The following PDLIM7 variants were observed in gnomAD, a reference collection of about 807,000 sequenced individuals.
The protein encoded by PDLIM7 is PDZ and LIM domain protein 7.
A neutral mutation model predicts 53.9 loss-of-function variants in PDLIM7; 37 were observed. That is an observed-to-expected ratio of 0.69 (90% confidence interval 0.53 to 0.90). The LOEUF (loss-of-function observed/expected upper bound fraction) is 0.90. PDLIM7 is among the 40% of genes least tolerant of loss of function. The pLI is 0.00. For synonymous variants in PDLIM7, 300 were observed against 261.3 expected, an observed-to-expected ratio of 1.15 and a Z score of -1.43; for missense variants, 617 against 638.5, an observed-to-expected ratio of 0.97 and a Z score of 0.36.
chr5:177,490,120 C>T (rs1253437791), intron 7 of PDLIM7: 6 of 1,508,856 alleles, frequency 4.0e-6, no homozygotes, highest in South Asian at 2.4e-5. Flanking sequence ...AGGGCAGGGC[C>T]CCTTTGCCAG....
At position 177,490,888 on chromosome 5, in the gene PDLIM7, T is replaced by G; in HGVS notation, c.554A>C (p.Glu185Ala). 6.2e-7 allele frequency: 1 copy of G among 1,613,886 alleles called. No homozygotes were observed. ...CCTGTACCTTGATTTCTTCAGGTGC[T>G]CCTCATCCGGGTCTTGCACTGAGAG... Reference protein sequence around the residue: ...GTEFMQDPDEEHLKKSSQVPR... With the variant: ...GTEFMQDPDEAHLKKSSQVPR... Residue 185 changes from glutamate to alanine, a missense_variant, in exon 7 of 13, where the codon GAG becomes GCG. Coordinates refer to ENST00000355841, the MANE Select transcript of PDLIM7 (RefSeq NM_005451.5).
At chr5:177,490,732 AG>A in intron 7 of PDLIM7, 137 bp downstream of exon 7, 6 of 762,940 alleles carry the variant, frequency 7.9e-6, no homozygotes, top group East Asian at 2.7e-5. Flanking sequence ...GAAGGAAGGA[AG>A]GAAGGAAGGA....
chr5:177,486,770 C>G (rs1287770694), intron 10 of PDLIM7, among the ~76,000 whole-genome samples: 1 of 151,764 alleles, frequency 6.6e-6, no homozygotes, highest in Non-Finnish European at 1.5e-5. Flanking sequence ...TCCCGAGTAG[C>G]TGGGACTACT....
chr5:177,491,193 G>T, intron 5 of PDLIM7, 47 bp from the exon 6 acceptor site: 1 of 1,555,378 alleles, frequency 6.4e-7, no homozygotes, highest in Non-Finnish European at 8.7e-7. Context: ...GGTGGGCGGT[G>T]GGGGCAGCCC....
chr5:177,496,028 G>A (rs181484600), intron 2 of PDLIM7, among the ~76,000 whole-genome samples: 38 of 152,188 alleles, frequency 2.5e-4, no homozygotes, highest in African/African-American at 8.9e-4. Flanking sequence ...TTCCCTGGGC[G>A]GCAGTGAGGC....
In PDLIM7 at chr5:177,488,260, C is replaced by A; in HGVS notation, c.870-12G>T. The A allele has an allele frequency of 6.3e-7, 1 of 1,585,922 alleles. No individual in the cohort carries two copies. The highest frequency in any genetic ancestry group is 8.6e-7 in the Non-Finnish European group (1 of 1,165,532). On this transcript the variant is annotated splice_polypyrimidine_tract_variant and intron_variant, in intron 9 of 12. Coordinates refer to ENST00000355841, the MANE Select transcript of PDLIM7 (RefSeq NM_005451.5). ...CCAGGTAGCGGCCCCTGCAGGGAGG[C>A]GAGAGCGGTCAGAGGGAGCACACGC...
At chr5:177,489,744 C>A (rs1758650035) in intron 8 of PDLIM7, 27 bp downstream of exon 8, 1 of 1,511,154 alleles carries the variant, frequency 6.6e-7, no homozygotes, top group South Asian at 1.2e-5. Flanking sequence ...CCCACCCTTG[C>A]CCAGGCCCGA....
Position 177,496,482 on chromosome 5 carries a change from GC to G in PDLIM7, c.30del (p.Pro11GlnfsTer41). 6.2e-7 allele frequency: 1 copy of G among 1,603,312 alleles called. No homozygotes were observed. The highest frequency in any genetic ancestry group is 8.5e-7 in the Non-Finnish European group (1 of 1,174,700). On this transcript the variant is annotated frameshift_variant, in exon 2 of 13. Transcript: ENST00000355841. LOFTEE classifies it high-confidence loss of function. ...TGCAGCCGGAAGCCCCAAGGTGCTGGCCCCTCCAGCACTACTTTGAAGGAAT... is the reference window on the plus strand; with the variant it reads ...TGCAGCCGGAAGCCCCAAGGTGCTGGCCCTCCAGCACTACTTTGAAGGAAT... MDSFKVVLE[G>X]PAPWGFRLQG... is the part of the protein sequence containing the mutation.
At chr5:177,490,356 G>T in intron 7 of PDLIM7, 1 of 1,457,790 alleles carries the variant, frequency 6.9e-7, no homozygotes, top group African/African-American at 1.4e-5. Context: ...GGGCGGCCAG[G>T]GCCAGGCCAG....
At chr5:177,490,712 GGGAAGGAAGGAAGGAA>G (rs573434723) in intron 7 of PDLIM7, 142 bp downstream of exon 7, 18,030 of 630,244 alleles carry the variant, frequency 0.029, 361 homozygotes, top group South Asian at 0.053. Flanking sequence ...GAAGGAGGAA[GGGAAGGAAGGAAGGAA>G]GGAAGGAAGG....
chr5:177,490,966 G>T, intron 6 of PDLIM7, 44 bp downstream of exon 6: 1 of 1,614,042 alleles, frequency 6.2e-7, no homozygotes, highest in Non-Finnish European at 8.5e-7. Flanking sequence ...TCACGCCTGG[G>T]CTGGGGGCGA....
At chr5:177,492,199 C>T (rs901924697) in intron 4 of PDLIM7, 8 of 660,454 alleles carry the variant, frequency 1.2e-5, no homozygotes, top group African/African-American at 7.3e-5. Context: ...GACAGACAGG[C>T]GGACAGACAG....
In PDLIM7 at chr5:177,489,227, G is replaced by A. The variant is rs574164751; in HGVS notation, c.869+166C>T. On this transcript the variant is annotated intron_variant, in intron 9 of 12. Coordinates refer to ENST00000355841, the MANE Select transcript of PDLIM7 (RefSeq NM_005451.5). ...TTGTGGGTGGGCTGGGGTAGGTAGC[G>A]TGGGATTAAGAATGGGAGGACCCAG... 4.6e-5 allele frequency among the ~76,000 whole-genome samples: 7 copies of A among 152,352 alleles called. No homozygotes were observed. The East Asian group carries it at 9.6e-4, about 21-fold the overall frequency.
At chr5:177,492,160 G>A (rs1758830464) in intron 4 of PDLIM7, 1 of 612,196 alleles carries the variant, frequency 1.6e-6, no homozygotes, top group Admixed American at 3.0e-5. Context: ...GGGCGAGCAC[G>A]CAGCGCCGGC....
At chr5:177,490,046 AG>A in intron 7 of PDLIM7, 1 of 1,532,516 alleles carries the variant, frequency 6.5e-7, no homozygotes, top group East Asian at 2.5e-5. Flanking sequence ...GAGACGAGGC[AG>A]GGCTCCCGCT....
intron 5 of PDLIM7, 79 bp from the exon 6 acceptor site, chr5:177,491,225 G>A (rs1758763960): frequency 6.6e-7 from 1 of 1,509,342 alleles, no homozygotes; most frequent in East Asian, 2.3e-5. Flanking sequence ...TGGTGCATGT[G>A]GGTTTGGGTT....
chr5:177,491,168 G>C lies in PDLIM7; in HGVS notation c.399-22C>G, dbSNP rs772743967. Reference sequence around the variant, plus strand: ...CTGTCTGTGGGGAGGGTGTGGCTCAGAACCCCACACTGGGGGTGGGCGGTG... The same window carrying C: ...CTGTCTGTGGGGAGGGTGTGGCTCACAACCCCACACTGGGGGTGGGCGGTG... On this transcript the variant is annotated intron_variant, in intron 5 of 12. Transcript: ENST00000355841. 3.8e-6 allele frequency: 5 copies of C among 1,301,798 alleles called. No individual in the cohort carries two copies. In the South Asian group the frequency reaches 4.8e-5, roughly 13 times the overall value. 80.6% of individuals were successfully genotyped at this position (1,301,798 alleles called of 1,614,324 possible).
At chr5:177,486,702 G>C (rs563170251) in intron 10 of PDLIM7, among the ~76,000 whole-genome samples, 3 of 151,886 alleles carry the variant, frequency 2.0e-5, no homozygotes, top group East Asian at 1.9e-4. Flanking sequence ...GCAGTGGCGC[G>C]ATCTCGGCTC....
At position 177,489,575 on chromosome 5, in the gene PDLIM7, C is replaced by A. The variant is rs373888172; in HGVS notation, c.687G>T (p.Ala229=). The A allele has an allele frequency of 6.2e-7, 1 of 1,610,266 alleles. No homozygotes were observed. The highest frequency in any genetic ancestry group is 8.5e-7 in the Non-Finnish European group (1 of 1,179,040). The change falls in exon 9 of 13, where the codon GCG becomes GCT. Residue 229 remains alanine (A), a synonymous_variant. Coordinates refer to ENST00000355841, the MANE Select transcript of PDLIM7 (RefSeq NM_005451.5). ...TGTCCGGGGCATAGCGCTCGGCAAA[C>A]GCAGGGTCCACAGCCCAGGGCGGGC... ...TSRPPWAVDP[A]FAERYAPDKT...
Sources: gnomAD v4.1 joint callset for allele counts (sites outside exome capture counted in the v4.1 genomes callset) on GRCh38, gnomAD v4.1.1 for gene constraint, MANE v1.5 for transcripts, NCBI Gene and HGNC (gene_info 2026-07-23, HGNC 2026-07-21) for gene names.